GRK5: variants seen among roughly 807,000 people sequenced by gnomAD.
GRK5 encodes G protein-coupled receptor kinase 5.
A neutral mutation model predicts 78.4 loss-of-function variants in GRK5; 40 were observed. The observed-to-expected ratio is 0.51, with a 90% CI of 0.40 to 0.66. The LOEUF (loss-of-function observed/expected upper bound fraction) is 0.66, where lower values mean the gene tolerates loss of function less well. GRK5 is among the 30% of genes least tolerant of loss of function. The pLI is 0.00. For synonymous variants in GRK5, 289 were observed against 296.8 expected (o/e 0.97, Z 0.27); for missense variants, 598 against 759.9 (o/e 0.79, Z 2.50).
At chr10:119,442,912 G>GGATGGAT (rs1379332211) in intron 11 of GRK5, among the ~76,000 whole-genome samples, 2 of 152,294 alleles carry the variant, frequency 1.3e-5, no homozygotes, top group South Asian at 2.1e-4. Flanking sequence ...ATGGATGGTT[G>GGATGGAT]GATGGATGAT....
intron 3 of GRK5, among the ~76,000 whole-genome samples, chr10:119,392,120 T>G (rs550853562): frequency 1.5e-4 from 23 of 152,310 alleles, no homozygotes; most frequent in Non-Finnish European, 3.2e-4. Flanking sequence ...ATTCTGAGAT[T>G]GATGATGCAA....
In GRK5 at chr10:119,397,522, G is replaced by A. The variant is rs118103349; in HGVS notation, c.339+750G>A. Among the ~76,000 whole-genome samples the A allele has an allele frequency of 1.3e-3, 203 of 152,316 alleles. 3 individuals are homozygous for A. In the East Asian group the frequency reaches 0.024, roughly 18 times the overall value. The stretch of plus-strand genomic sequence containing the variant: ...CCTCCCGGAGGTGTTGAGAGCCTGA[G>A]ATGGGACCTGTGTGGGAATAGCTTT... On this transcript the variant is annotated intron_variant, in intron 4 of 15. Coordinates refer to ENST00000392870, the MANE Select transcript of GRK5 (RefSeq NM_005308.3).
At chr10:119,417,978 C>A (rs112324229) in intron 4 of GRK5, among the ~76,000 whole-genome samples, 3 of 152,206 alleles carry the variant, frequency 2.0e-5, no homozygotes, top group African/African-American at 7.2e-5. Flanking sequence ...TCCCCAGAAC[C>A]AGTGGCATAG....
At chr10:119,265,465 T>C (rs1302935240) in intron 1 of GRK5, among the ~76,000 whole-genome samples, 1 of 152,154 alleles carries the variant, frequency 6.6e-6, no homozygotes, top group African/African-American at 2.4e-5. Context: ...GGGGCCTCCA[T>C]GATGGGATTA....
intron 15 of GRK5, among the ~76,000 whole-genome samples, chr10:119,454,677 G>C (rs1051231211): frequency 6.6e-6 from 1 of 152,200 alleles, no homozygotes; most frequent in African/African-American, 2.4e-5. Context: ...CGAGGGAGGG[G>C]AAGACTGAGA....
At chr10:119,360,871 G>T (rs1851352191) in intron 2 of GRK5, among the ~76,000 whole-genome samples, 1 of 152,178 alleles carries the variant, frequency 6.6e-6, no homozygotes, top group Admixed American at 6.5e-5. Context: ...CCGAGGCCCT[G>T]AGCGTTCTGA....
chr10:119,242,699 C>A (rs1342787011), intron 1 of GRK5, among the ~76,000 whole-genome samples: 1 of 151,918 alleles, frequency 6.6e-6, no homozygotes, highest in Admixed American at 6.6e-5. Context: ...TTCTTGTGAA[C>A]TATCTTGTGA....
At chr10:119,209,490 T>G (rs1409896235) in intron 1 of GRK5, among the ~76,000 whole-genome samples, 3 of 27,822 alleles carry the variant, frequency 1.1e-4, no homozygotes, top group African/African-American at 2.0e-4. Flanking sequence ...GTGTGTGGTT[T>G]TTTTTTTTTT....
At chr10:119,273,206 C>T (rs1388146555) in intron 1 of GRK5, among the ~76,000 whole-genome samples, 1 of 152,116 alleles carries the variant, frequency 6.6e-6, no homozygotes, top group African/African-American at 2.4e-5. Flanking sequence ...CCAGAAGGTG[C>T]CTCGGCAGCT....
chr10:119,401,589 T>C (rs1754652994), intron 4 of GRK5, among the ~76,000 whole-genome samples: 1 of 152,202 alleles, frequency 6.6e-6, no homozygotes, highest in Non-Finnish European at 1.5e-5. Context: ...AGTTTCCTCA[T>C]CTGTCAAGGG....
Position 119,264,924 on chromosome 10 carries a change from C to T in GRK5, c.52+56955C>T, listed in dbSNP as rs1020094183. 1.3e-5 allele frequency among the ~76,000 whole-genome samples: 2 copies of T among 152,220 alleles called. No homozygotes were observed. The highest frequency in any genetic ancestry group is 4.8e-5 in the African/African-American group (2 of 41,458). Reference sequence around the variant, plus strand: ...TAAGGTCCATAGAGCAAGGCACAGACCTGTCCCTGGGAGCTCAGTGTCCTG... The same window carrying T: ...TAAGGTCCATAGAGCAAGGCACAGATCTGTCCCTGGGAGCTCAGTGTCCTG... On this transcript the variant is annotated intron_variant, in intron 1 of 15. Transcript: ENST00000392870. The surrounding 1 kb of genome is among the most constrained non-coding windows in gnomAD (Gnocchi z 4.1).
chr10:119,208,329 C>T (rs1423949229), intron 1 of GRK5, among the ~76,000 whole-genome samples: 1 of 148,088 alleles, frequency 6.8e-6, no homozygotes, highest in Non-Finnish European at 1.5e-5. Flanking sequence ...CAAGTCGGCC[C>T]GGGATGGTTC....
At chr10:119,405,909 C>T (rs2133864426) in intron 4 of GRK5, among the ~76,000 whole-genome samples, 1 of 152,266 alleles carries the variant, frequency 6.6e-6, no homozygotes, top group East Asian at 1.9e-4. Flanking sequence ...AAAAGGAAAC[C>T]TTGTACCAGG....
At chr10:119,362,618 C>T (rs1851384481) in intron 2 of GRK5, among the ~76,000 whole-genome samples, 1 of 152,216 alleles carries the variant, frequency 6.6e-6, no homozygotes, top group Non-Finnish European at 1.5e-5. Context: ...GAACATTCTG[C>T]ATTTCAGGTC....
At chr10:119,406,467 T>C in intron 4 of GRK5, 1 of 944,790 alleles carries the variant, frequency 1.1e-6, no homozygotes, top group Non-Finnish European at 1.2e-6. Context: ...CTTGGGCAAA[T>C]GGCTCCCTTC....
Position 119,399,440 on chromosome 10 carries a change from C to T in GRK5, c.339+2668C>T, listed in dbSNP as rs538233652. Among the ~76,000 whole-genome samples the T allele has an allele frequency of 2.2e-4, 34 of 152,344 alleles. No individual in the cohort carries two copies. In the Middle Eastern group the frequency reaches 0.014, roughly 61 times the overall value. ...CACTGGCTCAGAAGACTTTGACCAACTGCAAAGCCACTGTCCCCAAGCCCA... is the reference window on the plus strand; with the variant it reads ...CACTGGCTCAGAAGACTTTGACCAATTGCAAAGCCACTGTCCCCAAGCCCA... On this transcript the variant is annotated intron_variant, in intron 4 of 15. Coordinates refer to ENST00000392870, the MANE Select transcript of GRK5 (RefSeq NM_005308.3).
chr10:119,225,333 A>G lies in GRK5; in HGVS notation c.52+17364A>G, dbSNP rs950185548. 3.7e-4 allele frequency among the ~76,000 whole-genome samples: 57 copies of G among 152,330 alleles called. 2 individuals carry two copies. Among genetic ancestry groups the G allele is most frequent in the African/African-American group, 1.3e-3 (52 of 41,574 alleles). On this transcript the variant is annotated intron_variant, in intron 1 of 15. Transcript: ENST00000392870. ...TCTGGCCAAAGAAAACAGTAAGTAA[A>G]TATTGTTGAGAAAATGTAAGAATTT...
At chr10:119,441,927 C>A in intron 10 of GRK5, 72 bp from the exon 11 acceptor site, 1 of 1,247,802 alleles carries the variant, frequency 8.0e-7, no homozygotes, top group Middle Eastern at 1.9e-4. Context: ...ATGCCTTGCC[C>A]AAGGGCACAC....
In GRK5 at chr10:119,335,175, T is replaced by TCTCTCTCTCTCTCC. The variant is rs1387026472; in HGVS notation, c.148+8565_148+8566insTCTCTCTCTCTCCC. ...CTCTCTCTCTCTCTCTCTCTCTCTC[T>TCTCTCTCTCTCTCC]CCCCCTCTCCCTCTCCCCCCACCTC... is the stretch of plus-strand genomic sequence containing the variant. On this transcript the variant is annotated intron_variant, in intron 2 of 15. Coordinates refer to ENST00000392870, the MANE Select transcript of GRK5 (RefSeq NM_005308.3). Among the ~76,000 whole-genome samples the TCTCTCTCTCTCTCC allele has an allele frequency of 6.2e-5, 7 of 113,214 alleles. 1 individual carries two copies. Among genetic ancestry groups the TCTCTCTCTCTCTCC allele is most frequent in the African/African-American group, 1.1e-4 (3 of 26,252 alleles). The allele number at this position is 113,214 out of a possible 152,430, so 74.3% of individuals were successfully genotyped here. A position where few individuals can be genotyped will look rare whatever the true frequency, so the allele number is the denominator to read the frequency against.
Sources: gnomAD v4.1 joint callset for allele counts (sites outside exome capture counted in the v4.1 genomes callset) on GRCh38, gnomAD v4.1.1 for gene constraint, Gnocchi (gnomAD v3.1) non-coding constraint, MANE v1.5 for transcripts, NCBI Gene and HGNC (gene_info 2026-07-23, HGNC 2026-07-21) for gene names.